CCDC148: variants seen among roughly 807,000 people sequenced by gnomAD.
CCDC148 encodes the protein coiled-coil domain-containing protein 148.
A neutral mutation model predicts 85.7 loss-of-function variants in CCDC148; 89 were observed. The observed-to-expected ratio is 1.04, with a 90% CI of 0.87 to 1.24. CCDC148 has a LOEUF of 1.24. Ranked by LOEUF, CCDC148 falls within the 50% of genes most tolerant of loss-of-function variation. CCDC148 has a pLI of 0.00. For missense variants in CCDC148, 692 were observed against 671.7 expected, an observed-to-expected ratio of 1.03 and a Z score of -0.33; for synonymous variants, 230 against 213.9, an observed-to-expected ratio of 1.08 and a Z score of -0.66.
At chr2:158,247,954 A>G (rs1688636439) in intron 10 of CCDC148, among the ~76,000 whole-genome samples, 1 of 152,124 alleles carries the variant, frequency 6.6e-6, no homozygotes, top group Admixed American at 6.6e-5. Context: ...CAGAACATGC[A>G]GGTTTGTTAC....
chr2:158,229,279 T>C lies in CCDC148; in HGVS notation c.1252-8566A>G, dbSNP rs146431481. Among the ~76,000 whole-genome samples the C allele has an allele frequency of 8.4e-4, 128 of 152,310 alleles. No homozygotes were observed. In the East Asian group the frequency reaches 0.024, roughly 28 times the overall value. ...CCAATCATCCTCTGGGCTCCACTTA[T>C]ATAATGTTATTTCCCTAGTGCAGCT... On this transcript the variant is annotated intron_variant, in intron 10 of 13. Transcript: ENST00000283233.
At chr2:158,206,057 C>T (rs552294854) in intron 11 of CCDC148, among the ~76,000 whole-genome samples, 6 of 152,194 alleles carry the variant, frequency 3.9e-5, no homozygotes, top group Admixed American at 2.6e-4. Flanking sequence ...CAAGCAGATA[C>T]ATGTGGTAGG....
At position 158,340,237 on chromosome 2, in the gene CCDC148, C is replaced by A. The variant is rs769424469; in HGVS notation, c.486+5G>T. 2 of 1,612,830 alleles carry A rather than the reference C, an allele frequency of 1.2e-6. No individual in the cohort carries two copies. The highest frequency in any genetic ancestry group is 4.5e-5 in the East Asian group (2 of 44,794). ...CATTATGGAAAATAAAGGTAACATA[C>A]TAACCTCTTCCAATACTTTCATGGA... On this transcript the variant is annotated splice_donor_5th_base_variant and intron_variant, in intron 5 of 13. Transcript: ENST00000283233.
intron 9 of CCDC148, among the ~76,000 whole-genome samples, chr2:158,305,396 C>G (rs913597129): frequency 6.6e-6 from 1 of 152,100 alleles, no homozygotes; most frequent in Non-Finnish European, 1.5e-5. Context: ...TTGCAGAATG[C>G]CCCTTCCGCT....
rs1213078708 is a variant in CCDC148, at chr2:158,309,429, T to C, written c.1110+4A>G. The C allele has an allele frequency of 3.1e-6, 5 of 1,611,416 alleles. No homozygotes were observed. On this transcript the variant is annotated splice_donor_region_variant and intron_variant, in intron 9 of 13. Coordinates refer to ENST00000283233, the MANE Select transcript of CCDC148 (RefSeq NM_138803.4). ...AATACTGAAACACCTGTGCAGCATC[T>C]TACCTTGGCTTTCAGATCAGCACAC...
At chr2:158,218,157 C>G (rs1162128324) in intron 11 of CCDC148, among the ~76,000 whole-genome samples, 1 of 152,140 alleles carries the variant, frequency 6.6e-6, no homozygotes, top group Non-Finnish European at 1.5e-5. Context: ...CAAATAAGCA[C>G]TGGACTCATA....
At chr2:158,408,328 C>A (rs930969907) in intron 1 of CCDC148, among the ~76,000 whole-genome samples, 1 of 152,048 alleles carries the variant, frequency 6.6e-6, no homozygotes, top group African/African-American at 2.4e-5. Context: ...GTTAGATCTC[C>A]AGAATTTATT....
intron 11 of CCDC148, among the ~76,000 whole-genome samples, chr2:158,210,959 GAA>G (rs772015775): frequency 1.1e-4 from 8 of 70,384 alleles, no homozygotes; most frequent in Non-Finnish European, 1.6e-4. Context: ...ACTCTGTCTC[GAA>G]AAAAAAAAAA....
At chr2:158,397,664 A>G (rs1238152293) in intron 1 of CCDC148, among the ~76,000 whole-genome samples, 8 of 152,208 alleles carry the variant, frequency 5.3e-5, no homozygotes, top group Non-Finnish European at 8.8e-5. Flanking sequence ...GGTACCAGCC[A>G]CTGCAAAAAC....
chr2:158,283,712 G>A (rs1690462092), intron 9 of CCDC148, among the ~76,000 whole-genome samples: 1 of 151,938 alleles, frequency 6.6e-6, no homozygotes, highest in Non-Finnish European at 1.5e-5. Flanking sequence ...GTGGAAGTCA[G>A]TGTGGCGATT....
intron 9 of CCDC148, among the ~76,000 whole-genome samples, chr2:158,253,344 C>T (rs1688875265): frequency 1.3e-5 from 2 of 151,602 alleles, no homozygotes; most frequent in Admixed American, 1.3e-4. Context: ...TCCTCCTCTG[C>T]CTTCCCTTAT....
At chr2:158,352,376 C>A (rs1235275112) in intron 2 of CCDC148, among the ~76,000 whole-genome samples, 22 of 152,134 alleles carry the variant, frequency 1.4e-4, no homozygotes, top group Non-Finnish European at 4.4e-5. Context: ...CAGAGAACTG[C>A]TTAAAGGAGG....
chr2:158,333,811 G>A (rs1402752895), intron 7 of CCDC148, among the ~76,000 whole-genome samples: 1 of 151,932 alleles, frequency 6.6e-6, no homozygotes, highest in Non-Finnish European at 1.5e-5. Context: ...CTATTCTCTG[G>A]TCATATCACA....
At chr2:158,407,077 C>T (rs929934884) in intron 1 of CCDC148, among the ~76,000 whole-genome samples, 21 of 152,080 alleles carry the variant, frequency 1.4e-4, no homozygotes, top group Admixed American at 4.6e-4. Flanking sequence ...CTCTTTCTAC[C>T]GCTGGATCTC....
At chr2:158,240,458 A>T (rs5002016) in intron 10 of CCDC148, among the ~76,000 whole-genome samples, 1,847 of 81,592 alleles carry the variant, frequency 0.023, 27 homozygotes, top group African/African-American at 0.06. Context: ...TCTCTCACAC[A>T]CACACACACA....
chr2:158,282,859 C>T (rs552566143), intron 9 of CCDC148, among the ~76,000 whole-genome samples: 19 of 152,202 alleles, frequency 1.2e-4, no homozygotes, highest in African/African-American at 1.7e-4. Flanking sequence ...GGAGGCGTCA[C>T]GCTACTTGAC....
At position 158,436,533 on chromosome 2, in the gene CCDC148, T is replaced by C. The variant is rs139852906; in HGVS notation, c.25+19882A>G. Among the ~76,000 whole-genome samples, 1,514 of 152,224 alleles carry C rather than the reference T, an allele frequency of 9.9e-3. 28 individuals are homozygous for C. The highest frequency in any genetic ancestry group is 0.034 in the African/African-American group (1,398 of 41,526). On this transcript the variant is annotated intron_variant, in intron 1 of 13. Transcript: ENST00000283233. ...CCCACAAGAGAAAGCAGGAAAGATC[T>C]AAAATGGACACCCTAACATCACAAC...
At chr2:158,424,113 T>C (rs1348559282) in intron 1 of CCDC148, among the ~76,000 whole-genome samples, 1 of 152,192 alleles carries the variant, frequency 6.6e-6, no homozygotes, top group Non-Finnish European at 1.5e-5. Context: ...TTTTATACTG[T>C]TGGTGGGACT....
At chr2:158,333,777 C>T (rs966572223) in intron 7 of CCDC148, among the ~76,000 whole-genome samples, 6 of 151,990 alleles carry the variant, frequency 3.9e-5, no homozygotes, top group Non-Finnish European at 8.8e-5. Context: ...TAGGTTCTTT[C>T]TTCTGTTCTG....
Sources: gnomAD v4.1 joint callset for allele counts (sites outside exome capture counted in the v4.1 genomes callset) on GRCh38, gnomAD v4.1.1 for gene constraint, MANE v1.5 for transcripts, NCBI Gene and HGNC (gene_info 2026-07-23, HGNC 2026-07-21) for gene names.